The following ZFYVE28 variants were observed in gnomAD, a reference collection of about 807,000 sequenced individuals.
ZFYVE28 encodes the protein zinc finger FYVE-type containing 28, also known as lateral signaling target protein 2 homolog.
A neutral mutation model predicts 82.1 loss-of-function variants in ZFYVE28; 40 were observed. The ratio of observed to expected loss-of-function variants is 0.49; its 90% CI spans 0.38 to 0.63. The LOEUF is 0.63. Among genes scored for constraint, ZFYVE28 ranks in the 30% least tolerant of loss-of-function variants. The pLI is 0.00. For synonymous variants in ZFYVE28, 612 were observed against 546.1 expected (o/e 1.12, Z -1.68); for missense variants, 1,321 against 1,242.1 (o/e 1.06, Z -0.96).
chr4:2,307,325 T>A (rs1271875965), intron 7 of ZFYVE28, among the ~76,000 whole-genome samples: 1 of 152,234 alleles, frequency 6.6e-6, no homozygotes, highest in Non-Finnish European at 1.5e-5. Context: ...CTCCAACTCT[T>A]TGGCTTGCCT....
chr4:2,329,647 G>C (rs890973134), intron 6 of ZFYVE28, among the ~76,000 whole-genome samples: 10 of 152,264 alleles, frequency 6.6e-5, no homozygotes, highest in African/African-American at 2.4e-4. Flanking sequence ...AATGTTTATT[G>C]CTTTAATTTC....
At chr4:2,404,472 A>G (rs1731602538) in intron 1 of ZFYVE28, among the ~76,000 whole-genome samples, 1 of 41,018 alleles carries the variant, frequency 2.4e-5, no homozygotes, top group Non-Finnish European at 5.0e-5. Context: ...TCAGCAGGTG[A>G]ATGGAAAACA....
chr4:2,411,662 G>A (rs1732532982), intron 1 of ZFYVE28, among the ~76,000 whole-genome samples: 1 of 152,234 alleles, frequency 6.6e-6, no homozygotes, highest in East Asian at 1.9e-4. Flanking sequence ...CCTCCTGGCT[G>A]TAGAGGTTCG....
rs1720891451 is a variant in ZFYVE28, at chr4:2,332,643, C to T, written c.701+3062G>A. Among the ~76,000 whole-genome samples the T allele has an allele frequency of 6.6e-6, 1 of 152,206 alleles. No homozygotes were observed. The highest frequency in any genetic ancestry group is 6.5e-5 in the Admixed American group (1 of 15,286). On this transcript the variant is annotated intron_variant, in intron 6 of 12. Transcript: ENST00000290974. The surrounding 1 kb of genome is among the most constrained non-coding windows in gnomAD (Gnocchi z 4.7). ...CACAGGAAGGAGCAGGTTCTGGGCC[C>T]CACCACGGGCAGCTGTGGCCTCTGC...
chr4:2,283,517 T>C (rs1042621222), intron 8 of ZFYVE28, among the ~76,000 whole-genome samples: 12 of 139,276 alleles, frequency 8.6e-5, no homozygotes, highest in East Asian at 2.3e-4. Flanking sequence ...CACCCACCCA[T>C]CCATCTAATC....
In ZFYVE28 at chr4:2,335,263, T is replaced by C. The variant is rs980759667; in HGVS notation, c.701+442A>G. Among the ~76,000 whole-genome samples, 9 of 152,070 alleles carry C rather than the reference T, an allele frequency of 5.9e-5. No individual in the cohort carries two copies. The South Asian group carries it at 6.2e-4, about 11-fold the overall frequency. On this transcript the variant is annotated intron_variant, in intron 6 of 12. Transcript: ENST00000290974. The surrounding 1 kb of genome is among the most constrained non-coding windows in gnomAD (Gnocchi z 5.8). ...CACCTCCCTGCCAGCCCCCAAATTA[T>C]TCAAACAAGCCAATCACAGCCTCCT...
chr4:2,280,378 T>G (rs1711798253), intron 8 of ZFYVE28, among the ~76,000 whole-genome samples: 1 of 152,046 alleles, frequency 6.6e-6, no homozygotes, highest in Non-Finnish European at 1.5e-5. Flanking sequence ...CATGATGGTG[T>G]GCACCTGTAG....
chr4:2,378,977 T>C (rs1300779917), intron 1 of ZFYVE28, among the ~76,000 whole-genome samples: 1 of 152,170 alleles, frequency 6.6e-6, no homozygotes, highest in African/African-American at 2.4e-5. Context: ...TCTTCCTCTA[T>C]GGGGTACATC....
At chr4:2,414,566 G>T (rs892007172) in intron 1 of ZFYVE28, among the ~76,000 whole-genome samples, 1 of 152,230 alleles carries the variant, frequency 6.6e-6, no homozygotes, top group South Asian at 2.1e-4. Context: ...GGAGTGCAAG[G>T]TTGAGCATGG....
intron 1 of ZFYVE28, among the ~76,000 whole-genome samples, chr4:2,398,967 C>T (rs369602702): frequency 8.5e-4 from 117 of 137,328 alleles, no homozygotes; most frequent in African/African-American, 2.8e-3. Flanking sequence ...GGTGTGAGAT[C>T]CAGTGCACAA....
At chr4:2,299,778 G>A (rs1312369919) in intron 8 of ZFYVE28, among the ~76,000 whole-genome samples, 1 of 150,674 alleles carries the variant, frequency 6.6e-6, no homozygotes, top group East Asian at 2.0e-4. Flanking sequence ...TAAGATTTGG[G>A]GTGATATTTA....
chr4:2,364,826 T>TCCGCGATA, intron 1 of ZFYVE28: 6 of 985,540 alleles, frequency 6.1e-6, no homozygotes, highest in Non-Finnish European at 7.2e-6. Context: ...GGGGCTGTGT[T>TCCGCGATA]CCGCGATACC....
intron 1 of ZFYVE28, among the ~76,000 whole-genome samples, chr4:2,376,317 A>G (rs546711155): frequency 9.0e-4 from 128 of 142,502 alleles, no homozygotes; most frequent in African/African-American, 3.0e-3. Flanking sequence ...TGGGAGGATC[A>G]TTTGAGCCCA....
At chr4:2,334,185 G>A (rs1362744483) in intron 6 of ZFYVE28, among the ~76,000 whole-genome samples, 1 of 152,158 alleles carries the variant, frequency 6.6e-6, no homozygotes, top group Non-Finnish European at 1.5e-5. Flanking sequence ...GAAGGACGGC[G>A]CAGGAAACAG....
intron 1 of ZFYVE28, among the ~76,000 whole-genome samples, chr4:2,403,142 G>T (rs1390632704): frequency 6.6e-6 from 1 of 152,252 alleles, no homozygotes; most frequent in East Asian, 1.9e-4. Flanking sequence ...AGCCTGTGTG[G>T]CCCCAGCTGC....
intron 1 of ZFYVE28, among the ~76,000 whole-genome samples, chr4:2,382,290 G>C (rs554017034): frequency 6.6e-6 from 1 of 152,236 alleles, no homozygotes; most frequent in Non-Finnish European, 1.5e-5. Flanking sequence ...CCGTCCTTCA[G>C]ACCCCAGAAT....
rs997864826 is a variant in ZFYVE28 at position 2,394,926 on chromosome 4, T to G, written c.39+23359A>C. Reference sequence around the variant, plus strand: ...CTGCAAAGGGTAAGGCCAGCCCTAATGATGCTCTCTCACTTCCCATTAAAA... The same window carrying G: ...CTGCAAAGGGTAAGGCCAGCCCTAAGGATGCTCTCTCACTTCCCATTAAAA... On this transcript the variant is annotated intron_variant, in intron 1 of 12. Transcript: ENST00000290974. This position sits in a 1 kb window ranked among gnomAD's most constrained non-coding sequence, Gnocchi z 4.0. Among the ~76,000 whole-genome samples, 2 of 152,250 alleles carry G rather than the reference T, an allele frequency of 1.3e-5. No homozygotes were observed. Among genetic ancestry groups the G allele is most frequent in the Admixed American group, 6.5e-5 (1 of 15,290 alleles).
At chr4:2,322,306 G>T (rs2108839265) in intron 6 of ZFYVE28, among the ~76,000 whole-genome samples, 1 of 152,364 alleles carries the variant, frequency 6.6e-6, no homozygotes, top group Middle Eastern at 3.4e-3. Context: ...CTCAGAATGA[G>T]GCCTGGGAAT....
chr4:2,272,640 G>A (rs1736014993), intron 10 of ZFYVE28, among the ~76,000 whole-genome samples: 1 of 152,234 alleles, frequency 6.6e-6, no homozygotes, highest in African/African-American at 2.4e-5. Context: ...TCAAGCATGT[G>A]TGATACCTCA....
Sources: gnomAD v4.1 joint callset for allele counts (sites outside exome capture counted in the v4.1 genomes callset) on GRCh38, gnomAD v4.1.1 for gene constraint, Gnocchi (gnomAD v3.1) non-coding constraint, MANE v1.5 for transcripts, NCBI Gene and HGNC (gene_info 2026-07-23, HGNC 2026-07-21) for gene names.